MYO7B: variants seen among roughly 807,000 people sequenced by gnomAD.
The protein encoded by MYO7B is unconventional myosin-VIIb.
A neutral mutation model predicts 259.7 loss-of-function variants in MYO7B; 212 were observed. The ratio of observed to expected loss-of-function variants is 0.82; its 90% CI spans 0.73 to 0.91. The LOEUF is 0.91. Ranked by LOEUF, MYO7B falls within the 40% of genes least tolerant of loss-of-function variation. The probability of loss-of-function intolerance (pLI) is 0.00; values close to 1 mark genes in which losing one functional copy is unlikely to be tolerated. For synonymous variants in MYO7B, 1,197 were observed against 1,166.4 expected (o/e 1.03, Z -0.54); for missense variants, 2,732 against 2,813.5 (o/e 0.97, Z 0.66).
chr2:127,629,453 G>A (rs965908106), intron 34 of MYO7B, among the ~76,000 whole-genome samples, 192 bp from the exon 35 acceptor site: 3 of 152,094 alleles, frequency 2.0e-5, no homozygotes, highest in African/African-American at 7.2e-5. Flanking sequence ...CTCTGTGCCT[G>A]TGCAGCTGCA....
intron 1 of MYO7B, among the ~76,000 whole-genome samples, chr2:127,544,972 G>A (rs377225948): frequency 2.6e-5 from 4 of 152,160 alleles, no homozygotes; most frequent in Non-Finnish European, 4.4e-5. Flanking sequence ...TGATCCGCCC[G>A]CCTCGACCTC....
chr2:127,595,301 G>A (rs765395371), intron 18 of MYO7B, among the ~76,000 whole-genome samples: 26 of 152,172 alleles, frequency 1.7e-4, no homozygotes, highest in Admixed American at 1.1e-3. Flanking sequence ...ATTTCTGTGG[G>A]CTCAGTAGTG....
At chr2:127,596,632 C>T in intron 19 of MYO7B, 76 bp downstream of exon 19, 1 of 1,247,470 alleles carries the variant, frequency 8.0e-7, no homozygotes, top group African/African-American at 1.5e-5. Flanking sequence ...AGCCCACAAA[C>T]CAGGATCACA....
At chr2:127,563,349 A>G (rs1296652341) in intron 2 of MYO7B, among the ~76,000 whole-genome samples, 1 of 152,180 alleles carries the variant, frequency 6.6e-6, no homozygotes, top group Non-Finnish European at 1.5e-5. Context: ...TTGGATTAGA[A>G]GGAGGTTCAT....
At position 127,546,877 on chromosome 2, in the gene MYO7B, C is replaced by T. The variant is rs1383031378; in HGVS notation, c.-24+11046C>T. Among the ~76,000 whole-genome samples the T allele has an allele frequency of 6.6e-6, 1 of 151,972 alleles. No homozygotes were observed. Among genetic ancestry groups the T allele is most frequent in the African/African-American group, 2.4e-5 (1 of 41,340 alleles). On this transcript the variant is annotated intron_variant, in intron 1 of 47. Transcript: ENST00000409816. The surrounding 1 kb of genome is among the most constrained non-coding windows in gnomAD (Gnocchi z 4.2). ...CCACCCATTCACTTACCCAATCCAA[C>T]CATTAATCCATCCACCATCCATCTA...
rs79341989 is a variant in MYO7B, at chr2:127,628,632, G to A, written c.4624+97G>A. 862 of 1,302,582 alleles carry A rather than the reference G, an allele frequency of 6.6e-4. 6 individuals carry two copies. In the African/African-American group the frequency reaches 0.011, roughly 17 times the overall value. The allele number at this position is 1,302,582 out of a possible 1,614,324, so 80.7% of individuals were successfully genotyped here. A position where few individuals can be genotyped will look rare whatever the true frequency, so the allele number is the denominator to read the frequency against. On this transcript the variant is annotated intron_variant, in intron 34 of 47. Transcript: ENST00000409816. This position sits in a 1 kb window ranked among gnomAD's most constrained non-coding sequence, Gnocchi z 4.8. The stretch of plus-strand genomic sequence containing the variant: ...GTGGCATGCTCATCTCCACACAGCA[G>A]CCACAAGGCAAGCAGAGGGAGGGAA...
At chr2:127,621,253 A>AT (rs11291906) in intron 27 of MYO7B, among the ~76,000 whole-genome samples, 70 of 136,568 alleles carry the variant, frequency 5.1e-4, no homozygotes, top group Admixed American at 8.8e-4. Flanking sequence ...CTCTTCTGCA[A>AT]TTTTTTTTTT....
At chr2:127,592,688 A>G in intron 16 of MYO7B, 106 bp from the exon 17 acceptor site, 1 of 1,444,964 alleles carries the variant, frequency 6.9e-7, no homozygotes, top group Non-Finnish European at 9.3e-7. Context: ...GGGGCTGGAC[A>G]CACTGACCTC....
Position 127,580,330 on chromosome 2 carries a change from T to C in MYO7B, c.1004-416T>C, listed in dbSNP as rs953512348. On this transcript the variant is annotated intron_variant, in intron 9 of 47. Coordinates refer to ENST00000409816, the MANE Select transcript of MYO7B (RefSeq NM_001393586.1). ...TGGCTTACAGCTGGAGCTCCATTAG[T>C]GCTTTGCTTCCTGTGACTGAATAAA... Among the ~76,000 whole-genome samples, 4 of 152,176 alleles carry C rather than the reference T, an allele frequency of 2.6e-5. 1 individual carries two copies. Among genetic ancestry groups the C allele is most frequent in the African/African-American group, 9.7e-5 (4 of 41,440 alleles).
In MYO7B at chr2:127,612,767, C is replaced by CT. The variant is rs1558835742; in HGVS notation, c.3398+165dup. Among the ~76,000 whole-genome samples, 3 of 152,304 alleles carry CT rather than the reference C, an allele frequency of 2.0e-5. No homozygotes were observed. In the East Asian group the frequency reaches 5.8e-4, roughly 29 times the overall value. ...AGATGTCATAGCTACCGAGGGTTCT[C>CT]TATGTGCTCTGCCTTTTAAAAAAGC... is the stretch of plus-strand genomic sequence containing the variant. On this transcript the variant is annotated intron_variant, in intron 26 of 47. Transcript: ENST00000409816.
At chr2:127,592,256 G>A (rs796409796) in intron 16 of MYO7B, among the ~76,000 whole-genome samples, 5 of 152,242 alleles carry the variant, frequency 3.3e-5, no homozygotes, top group African/African-American at 9.6e-5. Flanking sequence ...TTACCCGGGC[G>A]TGGTGCTACA....
rs1011096405 is a variant in MYO7B, at chr2:127,607,683, A to G, written c.2643+259A>G. On this transcript the variant is annotated intron_variant, in intron 21 of 47. Coordinates refer to ENST00000409816, the MANE Select transcript of MYO7B (RefSeq NM_001393586.1). This position sits in a 1 kb window ranked among gnomAD's most constrained non-coding sequence, Gnocchi z 4.4. Reference sequence around the variant, plus strand: ...AGAGACACACCGTCCTCCTCTCCCTATTCAAAGTCAGTTCTACAATGGCTC... The same window carrying G: ...AGAGACACACCGTCCTCCTCTCCCTGTTCAAAGTCAGTTCTACAATGGCTC... Among the ~76,000 whole-genome samples, 3 of 152,164 alleles carry G rather than the reference A, an allele frequency of 2.0e-5. No individual in the cohort carries two copies. The highest frequency in any genetic ancestry group is 6.5e-5 in the Admixed American group (1 of 15,286).
chr2:127,608,534 A>G (rs1345747806), intron 21 of MYO7B, among the ~76,000 whole-genome samples, 174 bp from the exon 22 acceptor site: 2 of 152,242 alleles, frequency 1.3e-5, no homozygotes, highest in Non-Finnish European at 2.9e-5. Context: ...GTTGATCTCT[A>G]ACCACACTAG....
At chr2:127,537,973 A>G (rs1385268726) in intron 1 of MYO7B, among the ~76,000 whole-genome samples, 3 of 152,150 alleles carry the variant, frequency 2.0e-5, no homozygotes, top group Non-Finnish European at 4.4e-5. Flanking sequence ...AGCAGTGTGT[A>G]GTGTGTTCCT....
chr2:127,608,908 C>G lies in MYO7B; in HGVS notation c.2814+30C>G, dbSNP rs1440333947. 3 of 1,596,226 alleles carry G rather than the reference C, an allele frequency of 1.9e-6. No homozygotes were observed. The Admixed American group carries it at 5.2e-5, about 28-fold the overall frequency. ...CACAAGCCTGGTGTCCACAATCCGCCCCGGGTGGGGACAGGGAAGCCTGCC... is the reference window on the plus strand; with the variant it reads ...CACAAGCCTGGTGTCCACAATCCGCGCCGGGTGGGGACAGGGAAGCCTGCC... On this transcript the variant is annotated intron_variant, in intron 22 of 47. Transcript: ENST00000409816.
chr2:127,634,470 C>A, intron 41 of MYO7B, 126 bp from the exon 42 acceptor site: 1 of 921,704 alleles, frequency 1.1e-6, no homozygotes, highest in Non-Finnish European at 1.7e-6. Flanking sequence ...ACGCCAATAG[C>A]CCACGCACAG....
In MYO7B at chr2:127,613,034, G is replaced by A. The variant is rs749284540; in HGVS notation, c.3398+431G>A. Among the ~76,000 whole-genome samples the A allele has an allele frequency of 3.9e-5, 6 of 152,218 alleles. No homozygotes were observed. The highest frequency in any genetic ancestry group is 8.8e-5 in the Non-Finnish European group (6 of 68,032). On this transcript the variant is annotated intron_variant, in intron 26 of 47. Transcript: ENST00000409816. The surrounding 1 kb of genome is among the most constrained non-coding windows in gnomAD (Gnocchi z 4.3). ...GGCTGAATGCGTAGAAGCAGAATCC[G>A]AACATGCAGAGACTGATTGTTCACT... is the stretch of plus-strand genomic sequence containing the variant.
In MYO7B at chr2:127,631,292, T is replaced by C. The variant is rs1681491123; in HGVS notation, c.5024T>C (p.Leu1675Pro). ...GHLWAYSCEP[L>P]RQPLLKRVHA... Reference sequence around the variant, plus strand: ...CTGTGGGCCTATTCCTGCGAGCCGCTGCGACAGCCGCTGCTCAAGCGAGTC... The same window carrying C: ...CTGTGGGCCTATTCCTGCGAGCCGCCGCGACAGCCGCTGCTCAAGCGAGTC... Residue 1675 changes from leucine (L) to proline (P), a missense_variant, in exon 37 of 48, where the codon CTG (leucine) becomes CCG (proline). Transcript: ENST00000409816. The C allele has an allele frequency of 1.9e-6, 3 of 1,612,264 alleles. No individual in the cohort carries two copies. The highest frequency in any genetic ancestry group is 2.5e-6 in the Non-Finnish European group (3 of 1,179,446).
rs1678378225 is a variant in MYO7B, at chr2:127,566,939, C to G, written c.470+112C>G. ...GCTCTCCCTACTCCATGGCACACAC[C>G]CATCTCCACAGCACACAACGGCCCC... On this transcript the variant is annotated intron_variant, in intron 5 of 47. Coordinates refer to ENST00000409816, the MANE Select transcript of MYO7B (RefSeq NM_001393586.1). 4 of 1,153,242 alleles carry G rather than the reference C, an allele frequency of 3.5e-6. No homozygotes were observed. The East Asian group carries it at 1.0e-4, about 29-fold the overall frequency. 71.4% of individuals were successfully genotyped at this position (1,153,242 alleles called of 1,614,324 possible).
Sources: allele counts gnomAD v4.1 joint callset (sites outside exome capture counted in the v4.1 genomes callset), GRCh38; gene constraint gnomAD v4.1.1; non-coding constraint Gnocchi (gnomAD v3.1); transcripts MANE v1.5; gene names NCBI Gene and HGNC (gene_info 2026-07-23, HGNC 2026-07-21).